PCDH7: variants seen among roughly 807,000 people sequenced by gnomAD.
PCDH7 encodes the protein protocadherin-7.
A neutral mutation model predicts 58.9 loss-of-function variants in PCDH7; 17 were observed. That is an observed-to-expected ratio of 0.29 (90% CI 0.20 to 0.43). The LOEUF (loss-of-function observed/expected upper bound fraction) is 0.43. Ranked by LOEUF, PCDH7 falls within the 20% of genes least tolerant of loss-of-function variation. PCDH7 has a pLI of 1.00. For synonymous variants in PCDH7, 664 were observed against 616.4 expected, an observed-to-expected ratio of 1.08 and a Z score of -1.14; for missense variants, 1,274 against 1,441.0, an observed-to-expected ratio of 0.88 and a Z score of 1.88.
At chr4:31,022,123 A>C (rs1754075905) in intron 3 of PCDH7, among the ~76,000 whole-genome samples, 1 of 152,156 alleles carries the variant, frequency 6.6e-6, no homozygotes, top group Admixed American at 6.5e-5. Flanking sequence ...GCTTCTTAAT[A>C]GTTAATAGTA....
intron 3 of PCDH7, among the ~76,000 whole-genome samples, chr4:31,085,451 C>T (rs1712284402): frequency 6.6e-6 from 1 of 152,138 alleles, no homozygotes; most frequent in Non-Finnish European, 1.5e-5. Flanking sequence ...AGGAGGTCTG[C>T]TTTGGGAAAG....
At chr4:30,782,875 G>T (rs1722972141) in intron 1 of PCDH7, among the ~76,000 whole-genome samples, 1 of 152,072 alleles carries the variant, frequency 6.6e-6, no homozygotes, top group African/African-American at 2.4e-5. Flanking sequence ...CTCGAATGAG[G>T]GTCTTATGAC....
At chr4:30,987,447 A>C (rs1258986602) in intron 3 of PCDH7, 1 of 152,102 alleles carries the variant, frequency 6.6e-6, no homozygotes, top group African/African-American at 2.4e-5. Flanking sequence ...CTATAAAATG[A>C]GGTGGATATT....
At chr4:30,894,516 T>TAC (rs55942705) in intron 1 of PCDH7, among the ~76,000 whole-genome samples, 440 of 32,124 alleles carry the variant, frequency 0.014, 9 homozygotes, top group East Asian at 0.045. Context: ...TATATATATA[T>TAC]ACACACACAC....
At chr4:30,989,291 A>C (rs1751256336) in intron 3 of PCDH7, among the ~76,000 whole-genome samples, 1 of 148,846 alleles carries the variant, frequency 6.7e-6, no homozygotes, top group Admixed American at 6.6e-5. Context: ...CTGTTGAAAA[A>C]CAATTTTTTC....
At chr4:30,968,902 C>G (rs1409897165) in intron 3 of PCDH7, among the ~76,000 whole-genome samples, 1 of 152,168 alleles carries the variant, frequency 6.6e-6, no homozygotes, top group Non-Finnish European at 1.5e-5. Context: ...TTTCTGTCTT[C>G]TCTTTCTGGA....
intron 3 of PCDH7, among the ~76,000 whole-genome samples, chr4:30,970,321 G>A (rs989333542): frequency 2.0e-5 from 3 of 149,936 alleles, no homozygotes; most frequent in East Asian, 4.0e-4. Flanking sequence ...CTGAGACGGC[G>A]TCTAGCTCAG....
intron 3 of PCDH7, among the ~76,000 whole-genome samples, chr4:30,997,093 T>G (rs1366301940): frequency 2.7e-5 from 4 of 149,480 alleles, no homozygotes; most frequent in Non-Finnish European, 6.0e-5. Flanking sequence ...TTTTTTTTTT[T>G]GTTTTACATC....
chr4:30,766,407 TCTATTA>T (rs1720755363), intron 1 of PCDH7, among the ~76,000 whole-genome samples: 1 of 152,116 alleles, frequency 6.6e-6, no homozygotes, highest in African/African-American at 2.4e-5. Flanking sequence ...AATTCAAATT[TCTATTA>T]CTATTATTTT....
At chr4:30,783,653 A>G (rs1470757893) in intron 1 of PCDH7, among the ~76,000 whole-genome samples, 1 of 152,114 alleles carries the variant, frequency 6.6e-6, no homozygotes, top group South Asian at 2.1e-4. Context: ...GTTTATTCCT[A>G]TGTGTGGGTG....
At chr4:31,098,747 C>T (rs1714506590) in intron 3 of PCDH7, among the ~76,000 whole-genome samples, 1 of 152,124 alleles carries the variant, frequency 6.6e-6, no homozygotes, top group Non-Finnish European at 1.5e-5. Flanking sequence ...CAGTACATGG[C>T]CAGCATTTTA....
intron 1 of PCDH7, among the ~76,000 whole-genome samples, chr4:30,906,150 C>G (rs1225365995): frequency 6.6e-6 from 1 of 152,114 alleles, no homozygotes; most frequent in African/African-American, 2.4e-5. Flanking sequence ...CAAAGCCAGG[C>G]AGTATGCTAA....
intron 1 of PCDH7, among the ~76,000 whole-genome samples, chr4:30,857,945 T>C (rs981732475): frequency 6.6e-6 from 1 of 152,182 alleles, no homozygotes; most frequent in Non-Finnish European, 1.5e-5. Flanking sequence ...AAAAATGATA[T>C]ATGCTTTGTG....
intron 3 of PCDH7, among the ~76,000 whole-genome samples, chr4:31,129,278 T>A (rs1309602249): frequency 6.6e-6 from 1 of 152,170 alleles, no homozygotes; most frequent in African/African-American, 2.4e-5. Context: ...AAACTGGCAA[T>A]GAGGAATCAA....
chr4:30,805,926 T>C (rs1386315684), intron 1 of PCDH7, among the ~76,000 whole-genome samples: 3 of 152,232 alleles, frequency 2.0e-5, no homozygotes, highest in Non-Finnish European at 4.4e-5. Context: ...TTATCTGAAA[T>C]GCTTGGGACC....
intron 1 of PCDH7, among the ~76,000 whole-genome samples, chr4:30,788,031 G>T (rs1181226237): frequency 1.3e-5 from 2 of 151,918 alleles, no homozygotes; most frequent in Non-Finnish European, 2.9e-5. Flanking sequence ...ATGAGAGTAG[G>T]CTCATGTGAA....
rs1343458239 is a variant in PCDH7, at chr4:31,097,459, GGAAAGAAAGGAA to G, written c.*8-44993_*8-44982del. ...GTAGAGTAAGACTTCGTCTAAAAAA[GGAAAGAAAGGAA>G]GAAAGAAAGGAAGAAAGAAAAAAAG... On this transcript the variant is annotated intron_variant, in intron 3 of 3. Coordinates refer to the PCDH7 transcript ENST00000509759. Among the ~76,000 whole-genome samples, 46 of 132,118 alleles carry G rather than the reference GGAAAGAAAGGAA, an allele frequency of 3.5e-4. 1 individual carries two copies. Among genetic ancestry groups the G allele is most frequent in the Non-Finnish European group, 4.9e-4 (30 of 61,214 alleles). The allele number at this position is 132,118 out of a possible 152,430, so 86.7% of individuals were successfully genotyped here. A position where few individuals can be genotyped will look rare whatever the true frequency, so the allele number is the denominator to read the frequency against.
At chr4:30,830,351 CA>C (rs1469172528) in intron 1 of PCDH7, among the ~76,000 whole-genome samples, 1 of 151,972 alleles carries the variant, frequency 6.6e-6, no homozygotes, top group African/African-American at 2.4e-5. Flanking sequence ...AATTAGCAAT[CA>C]AAAGTACTAC....
chr4:30,862,333 A>G (rs919980443), intron 1 of PCDH7, among the ~76,000 whole-genome samples: 1 of 152,184 alleles, frequency 6.6e-6, no homozygotes, highest in Non-Finnish European at 1.5e-5. Context: ...TTTCCTTTAC[A>G]GGAAGCAGAA....
Sources: allele counts gnomAD v4.1 joint callset (sites outside exome capture counted in the v4.1 genomes callset), GRCh38; gene constraint gnomAD v4.1.1; transcripts MANE v1.5; gene names NCBI Gene and HGNC (gene_info 2026-07-23, HGNC 2026-07-21).